Variants in KRT5 observed in about 807,000 individuals in gnomAD.
The protein encoded by KRT5 is keratin 5.
Under a neutral mutation model 44.0 loss-of-function variants are expected in KRT5, and 17 were observed. The observed-to-expected ratio is 0.39, with a 90% CI of 0.26 to 0.58. The LOEUF is 0.58. Among genes scored for constraint, KRT5 ranks in the 20% least tolerant of loss-of-function variants. The pLI is 0.61. For synonymous variants in KRT5, 329 were observed against 312.8 expected (o/e 1.05, Z -0.55); for missense variants, 737 against 785.5 (o/e 0.94, Z 0.74).
At chr12:52,519,713 G>A (rs528228263) in intron 1 of KRT5, 29 bp downstream of exon 1, 318 of 1,601,696 alleles carry the variant, frequency 2.0e-4, no homozygotes, top group Middle Eastern at 1.7e-4. Flanking sequence ...CAGACCCACA[G>A]TGATTTTTTA....
At chr12:52,515,633 A>C in intron 8 of KRT5, 165 bp downstream of exon 8, 1 of 707,264 alleles carries the variant, frequency 1.4e-6, no homozygotes, top group Non-Finnish European at 2.6e-6. Flanking sequence ...TTCCTGTCCC[A>C]ATCTGTCCTT....
In KRT5 at chr12:52,514,695, G is replaced by C. The variant is rs368240646; in HGVS notation, c.*247C>G. On this transcript the variant is annotated 3_prime_UTR_variant, in exon 9 of 9. Coordinates refer to ENST00000252242, the MANE Select transcript of KRT5 (RefSeq NM_000424.4). ...AGATTTGGGAAAACTTTGGGTTCTC[G>C]TGTCAGCAGGGGCCATGCTGTGGGA... 2.0e-6 allele frequency: 1 copy of C among 497,722 alleles called. No homozygotes were observed. The highest frequency in any genetic ancestry group is 1.9e-5 in the African/African-American group (1 of 52,242). The allele number at this position is 497,722 out of a possible 1,614,324, so 30.8% of individuals were successfully genotyped here. A position where few individuals can be genotyped will look rare whatever the true frequency, so the allele number is the denominator to read the frequency against.
At position 52,514,808 on chromosome 12, in the gene KRT5, T is replaced by A. The variant is rs568942940; in HGVS notation, c.*134A>T. On this transcript the variant is annotated 3_prime_UTR_variant, in exon 9 of 9. Transcript: ENST00000252242. The stretch of plus-strand genomic sequence containing the variant: ...TGGGGCTCTCCTGGGAACCAAAGAA[T>A]GTGGTTCTGCAATTGGCTTGGTCTA... The A allele has an allele frequency of 2.6e-6, 2 of 761,044 alleles. No homozygotes were observed. The highest frequency in any genetic ancestry group is 4.5e-6 in the Non-Finnish European group (2 of 448,858). The allele number at this position is 761,044 out of a possible 1,614,324, so 47.1% of individuals were successfully genotyped here.
At position 52,519,831 on chromosome 12, in the gene KRT5, G is replaced by C; in HGVS notation, c.466C>G (p.Gln156Glu). 6.2e-7 allele frequency: 1 copy of C among 1,613,938 alleles called. No individual in the cohort carries two copies. Among genetic ancestry groups the C allele is most frequent in the Non-Finnish European group, 8.5e-7 (1 of 1,179,994 alleles). The change falls in exon 1 of 9, where the codon CAA (glutamine) becomes GAA (glutamate). Residue 156 changes from glutamine to glutamate, a missense_variant. Gln to Glu is a conservative substitution (Grantham distance 29). Around this residue, in one of 5 missense-constraint regions of KRT5, gnomAD observed 326 missense variants for 333.1 expected, o/e 0.98. Coordinates refer to ENST00000252242, the MANE Select transcript of KRT5 (RefSeq NM_000424.4). ...ACCCTCTGGATGCTGGGGTCGATTT[G>C]CAGGTTGAGGGGAGTCAGGAGACTC... ...NQSLLTPLNL[Q>E]IDPSIQRVRT...
At chr12:52,518,886 G>T in intron 2 of KRT5, 60 bp downstream of exon 2, 1 of 1,599,810 alleles carries the variant, frequency 6.3e-7, no homozygotes, top group South Asian at 1.1e-5. Flanking sequence ...TAGTAACAAA[G>T]CCCATCTGGT....
At position 52,516,827 on chromosome 12, in the gene KRT5, C is replaced by T; in HGVS notation, c.1249G>A (p.Ala417Thr). 1 of 1,614,210 alleles carries T rather than the reference C, an allele frequency of 6.2e-7. No individual in the cohort carries two copies. Among genetic ancestry groups the T allele is most frequent in the Non-Finnish European group, 8.5e-7 (1 of 1,180,044 alleles). ...AGGGCCAGCTCCCCACGCTGCTCGG[C>T]ATCCGCAATGGCGTTCTGCAGATTG... The part of the protein sequence containing the change: ...CANLQNAIAD[A>T]EQRGELALKD... Residue 417 changes from alanine (A) to threonine (T), a missense_variant, in exon 7 of 9, where the codon GCC becomes ACC. Around this residue, in one of 5 missense-constraint regions of KRT5, gnomAD observed 344 missense variants for 351.6 expected, o/e 0.98. Coordinates refer to ENST00000252242, the MANE Select transcript of KRT5 (RefSeq NM_000424.4).
At position 52,520,317 on chromosome 12, in the gene KRT5, G is replaced by T. The variant is rs550483827; in HGVS notation, c.-21C>A. On this transcript the variant is annotated 5_prime_UTR_variant, in exon 1 of 9. Coordinates refer to ENST00000252242, the MANE Select transcript of KRT5 (RefSeq NM_000424.4). ...GACATGGTGGCTTGTTCCTGGTGGA[G>T]CAAGAGAACCAGGCACTAGTGGGTT... is the stretch of plus-strand genomic sequence containing the variant. 23 of 1,609,994 alleles carry T rather than the reference G, an allele frequency of 1.4e-5. No homozygotes were observed. In the South Asian group the frequency reaches 2.5e-4, roughly 18 times the overall value.
rs369447745 is a variant in KRT5, at chr12:52,517,735, G to A, written c.947C>T (p.Thr316Met). ...GACCACTGAGGTGTCAGAGACATGC[G>A]TCTGCATCTGGGACAGCTCCTGCAG... ...FFDAELSQMQ[T>M]HVSDTSVVLS... Residue 316 changes from threonine to methionine, a missense_variant, in exon 5 of 9, where the codon ACG becomes ATG. By Grantham distance (81) the Thr-to-Met change is moderately conservative. Transcript: ENST00000252242. 81 of 1,614,080 alleles carry A rather than the reference G, an allele frequency of 5.0e-5. No individual in the cohort carries two copies. The highest frequency in any genetic ancestry group is 6.4e-5 in the Non-Finnish European group (76 of 1,180,048).
Position 52,517,165 on chromosome 12 carries a change from G to C in KRT5, c.1160C>G (p.Ser387Cys). 6.2e-7 allele frequency: 1 copy of C among 1,614,112 alleles called. No homozygotes were observed. The highest frequency in any genetic ancestry group is 8.5e-7 in the Non-Finnish European group (1 of 1,180,024). Reference protein sequence around the residue: ...DDLRNTKHEISEMNRMIQRLR... With the variant: ...DDLRNTKHEICEMNRMIQRLR... ...CCTCTGGATCATCCGGTTCATCTCA[G>C]AGATCTCATGCTTGGTGTTGCGGAG... The change falls in exon 6 of 9, where the codon TCT becomes TGT. Residue 387 changes from serine (S) to cysteine (C), a missense_variant. Coordinates refer to ENST00000252242, the MANE Select transcript of KRT5 (RefSeq NM_000424.4).
intron 3 of KRT5, 51 bp downstream of exon 3, chr12:52,518,052 C>T (rs375764474): frequency 9.3e-6 from 15 of 1,611,868 alleles, no homozygotes; most frequent in South Asian, 6.6e-5. Context: ...GTGAGCTCCA[C>T]GCTTAGAGAG....
chr12:52,516,376 A>C, intron 7 of KRT5: 1 of 510,644 alleles, frequency 2.0e-6, no homozygotes. Flanking sequence ...AAAGCAGAAA[A>C]GGCACAAGTG....
At chr12:52,515,891 A>G in intron 7 of KRT5, 59 bp from the exon 8 acceptor site, 4 of 1,412,962 alleles carry the variant, frequency 2.8e-6, no homozygotes, top group Non-Finnish European at 4.0e-6. Context: ...GCATTAGTCT[A>G]TGTGGCTAAC....
Position 52,519,081 on chromosome 12 carries a change from C to T in KRT5, c.635G>A (p.Arg212Lys). The T allele has an allele frequency of 1.2e-6, 2 of 1,614,220 alleles. No homozygotes were observed. The highest frequency in any genetic ancestry group is 2.2e-5 in the South Asian group (2 of 91,084). ...CTCGAACAACGGCTCCAGGTTCTGC[C>T]TCACAGTCTTGGTGCCCTGCTCCTG... ...LLQEQGTKTV[R>K]QNLEPLFEQY... Residue 212 changes from arginine (R) to lysine (K), a missense_variant, in exon 2 of 9, where the codon AGG (arginine) becomes AAG (lysine). Physicochemically the swap from Arg to Lys is conservative, Grantham distance 26. Coordinates refer to ENST00000252242, the MANE Select transcript of KRT5 (RefSeq NM_000424.4).
intron 6 of KRT5, 34 bp downstream of exon 6, chr12:52,517,073 G>T (rs1195952288): frequency 5.6e-6 from 9 of 1,613,254 alleles, no homozygotes; most frequent in African/African-American, 1.3e-5. Flanking sequence ...TAGAACTCAG[G>T]CCCCTTCCTT....
In KRT5 at chr12:52,517,250, G is replaced by A. The variant is rs752383934; in HGVS notation, c.1093-18C>T. 9 of 1,613,882 alleles carry A rather than the reference G, an allele frequency of 5.6e-6. No individual in the cohort carries two copies. In the East Asian group the frequency reaches 2.0e-4, roughly 36 times the overall value. ...TCCTCATACTGATGCAGCCAGGAAA[G>A]AGGAAAGATTCTGTTTATATGAGAA... is the stretch of plus-strand genomic sequence containing the variant. On this transcript the variant is annotated intron_variant, in intron 5 of 8. Transcript: ENST00000252242.
chr12:52,517,129 T>G lies in KRT5; in HGVS notation c.1196A>C (p.Glu399Ala). The change falls in exon 6 of 9, where the codon GAG becomes GCG. Residue 399 changes from glutamate (E) to alanine (A), a missense_variant. Physicochemically the swap from Glu to Ala is moderately radical, Grantham distance 107. Transcript: ENST00000252242. ...TACCTGTTTCTTGACATTGTCAATC[T>G]CGGCTCTCAGCCTCTGGATCATCCG... ...MNRMIQRLRA[E>A]IDNVKKQCAN... is the part of the protein sequence containing the mutation. 1 of 1,614,210 alleles carries G rather than the reference T, an allele frequency of 6.2e-7. No individual in the cohort carries two copies.
At chr12:52,515,701 T>A in intron 8 of KRT5, 97 bp downstream of exon 8, 1 of 969,400 alleles carries the variant, frequency 1.0e-6, no homozygotes, top group Non-Finnish European at 1.7e-6. Context: ...TATGCTGGGA[T>A]GGGAAAAGTT....
Position 52,515,265 on chromosome 12 carries a change from AG to A in KRT5, c.1475-26del, listed in dbSNP as rs754497740. 3 of 1,602,946 alleles carry A rather than the reference AG, an allele frequency of 1.9e-6. No individual in the cohort carries two copies. The African/African-American group carries it at 4.0e-5, about 21-fold the overall frequency. On this transcript the variant is annotated intron_variant, in intron 8 of 8. Coordinates refer to ENST00000252242, the MANE Select transcript of KRT5 (RefSeq NM_000424.4). ...GCTGCAGGGAAAGGAGGGAGGACTC[AG>A]TGAGACCATCTGCCAGGCTGATCCT...
chr12:52,514,622 AC>A lies in KRT5; in HGVS notation c.*319del. The stretch of plus-strand genomic sequence containing the variant: ...TGAACACATTCTGGAGGTAGTTAGA[AC>A]CAAAACAAAATTTGGGATTGGGGTG... On this transcript the variant is annotated 3_prime_UTR_variant, in exon 9 of 9. Coordinates refer to ENST00000252242, the MANE Select transcript of KRT5 (RefSeq NM_000424.4). The A allele has an allele frequency of 2.5e-6, 1 of 407,726 alleles. No homozygotes were observed. Among genetic ancestry groups the A allele is most frequent in the Non-Finnish European group, 4.4e-6 (1 of 227,716 alleles). The allele number at this position is 407,726 out of a possible 1,614,324, so 25.3% of individuals were successfully genotyped here.
Sources: gnomAD v4.1 joint callset for allele counts on GRCh38, gnomAD v4.1.1 for gene constraint, gnomAD v4.1.1 regional missense constraint, MANE v1.5 for transcripts, NCBI Gene and HGNC (gene_info 2026-07-23, HGNC 2026-07-21) for gene names.